The following KLHL18 variants were observed in gnomAD, a reference collection of about 807,000 sequenced individuals.
KLHL18 encodes kelch-like protein 18.
KLHL18 carries 38 observed loss-of-function variants against 58.5 expected under a neutral mutation model. The ratio of observed to expected loss-of-function variants is 0.65; its 90% CI spans 0.50 to 0.85. The LOEUF is 0.85. Among genes scored for constraint, KLHL18 ranks in the 40% least tolerant of loss-of-function variants. The pLI is 0.00. For synonymous variants in KLHL18, 303 were observed against 301.9 expected, an observed-to-expected ratio of 1.00 and a Z score of -0.04; for missense variants, 624 against 778.4, an observed-to-expected ratio of 0.80 and a Z score of 2.36.
chr3:47,285,831 T>C (rs867728214), intron 1 of KLHL18, among the ~76,000 whole-genome samples: 2 of 152,138 alleles, frequency 1.3e-5, no homozygotes, highest in African/African-American at 4.8e-5. Context: ...TGGATTGCAT[T>C]GAACTCAGGA....
At chr3:47,283,943 T>G (rs1331693990) in intron 1 of KLHL18, among the ~76,000 whole-genome samples, 1 of 152,158 alleles carries the variant, frequency 6.6e-6, no homozygotes, top group Non-Finnish European at 1.5e-5. Flanking sequence ...TGATCCCTGT[T>G]TAAAAAACAA....
intron 1 of KLHL18, among the ~76,000 whole-genome samples, chr3:47,315,981 A>G (rs1703412846): frequency 6.6e-6 from 1 of 152,194 alleles, no homozygotes; most frequent in Admixed American, 6.5e-5. Context: ...GGGTTGAAGA[A>G]GTTTCCTCAC....
At chr3:47,328,582 G>GT (rs1370459171) in intron 3 of KLHL18, among the ~76,000 whole-genome samples, 1 of 152,086 alleles carries the variant, frequency 6.6e-6, no homozygotes, top group Non-Finnish European at 1.5e-5. Context: ...CCTGATGAGT[G>GT]TAAGTCTGCC....
intron 1 of KLHL18, among the ~76,000 whole-genome samples, chr3:47,318,164 GCCCAAAATTTAGTGA>G (rs1183860998): frequency 6.6e-6 from 1 of 152,106 alleles, no homozygotes; most frequent in Non-Finnish European, 1.5e-5. Flanking sequence ...CCTGCGTCCG[GCCCAAAATTTAGTGA>G]CTTAAAACAA....
Position 47,336,726 on chromosome 3 carries a change from A to G in KLHL18, c.1090A>G (p.Thr364Ala), listed in dbSNP as rs776231957. ...CTACAACCCGGAGACAGACACATGG[A>G]CCAGAGTGGGGAGCATGAATAGCAA... Reference protein sequence around the residue: ...EAYNPETDTWTRVGSMNSKRS... With the variant: ...EAYNPETDTWARVGSMNSKRS... Residue 364 changes from threonine (T) to alanine (A), a missense_variant, in exon 7 of 10, where the codon ACC becomes GCC. Coordinates refer to ENST00000232766, the MANE Select transcript of KLHL18 (RefSeq NM_025010.5). 6.2e-7 allele frequency: 1 copy of G among 1,614,182 alleles called. No homozygotes were observed. Among genetic ancestry groups the G allele is most frequent in the South Asian group, 1.1e-5 (1 of 91,084 alleles).
chr3:47,333,564 A>G (rs1178751839), intron 5 of KLHL18, among the ~76,000 whole-genome samples: 1 of 152,232 alleles, frequency 6.6e-6, no homozygotes, highest in African/African-American at 2.4e-5. Context: ...CTGCTGAGTT[A>G]TCTGAGGATT....
intron 7 of KLHL18, among the ~76,000 whole-genome samples, chr3:47,339,466 T>G (rs1486198600): frequency 6.9e-6 from 1 of 144,612 alleles, no homozygotes; most frequent in Non-Finnish European, 1.5e-5. Context: ...CACTCCAGCC[T>G]GATGATAGAG....
Position 47,334,571 on chromosome 3 carries a change from TCTC to T in KLHL18, c.762-107_762-105del, listed in dbSNP as rs1703940931. The T allele has an allele frequency of 3.1e-6, 4 of 1,271,384 alleles. No homozygotes were observed. In the East Asian group the frequency reaches 7.0e-5, roughly 22 times the overall value. 78.8% of individuals were successfully genotyped at this position (1,271,384 alleles called of 1,614,324 possible). A position where few individuals can be genotyped will look rare whatever the true frequency, so the allele number is the denominator to read the frequency against. ...TTGAGACCAGACCTTCCAGAAGGCT[TCTC>T]CTCCCAGGTTTCCCCTGCAGTTGGC... On this transcript the variant is annotated intron_variant, in intron 5 of 9. Transcript: ENST00000232766. The surrounding 1 kb of genome is among the most constrained non-coding windows in gnomAD (Gnocchi z 4.7).
intron 3 of KLHL18, among the ~76,000 whole-genome samples, chr3:47,328,894 G>A (rs1703785985): frequency 6.6e-6 from 1 of 152,014 alleles, no homozygotes; most frequent in African/African-American, 2.4e-5. Context: ...ATTTTGGGAG[G>A]CCGAGGCAGG....
rs374972341 is a variant in KLHL18, at chr3:47,334,795, G to A, written c.874G>A (p.Ala292Thr). ...CCTSIAGLIY[A>T]VGGLNSAGDS... ...CACATCCATCGCTGGACTTATCTAC[G>A]CTGTAGGGGGCCTCAACTCAGCAGG... is the stretch of plus-strand genomic sequence containing the variant. Residue 292 changes from alanine (A) to threonine (T), a missense_variant, in exon 6 of 10, where the codon GCT (alanine) becomes ACT (threonine). Physicochemically the swap from Ala to Thr is moderately conservative, Grantham distance 58. Transcript: ENST00000232766. The surrounding 1 kb of genome is among the most constrained non-coding windows in gnomAD (Gnocchi z 4.7). 3.9e-4 allele frequency: 634 copies of A among 1,613,796 alleles called. No homozygotes were observed. Among genetic ancestry groups the A allele is most frequent in the Admixed American group, 6.0e-4 (36 of 59,942 alleles).
intron 1 of KLHL18, among the ~76,000 whole-genome samples, chr3:47,306,639 C>T (rs1208704398): frequency 2.0e-5 from 3 of 152,136 alleles, no homozygotes; most frequent in Non-Finnish European, 4.4e-5. Flanking sequence ...AGGTATATAG[C>T]TAGGAGTTAA....
chr3:47,304,555 T>C (rs1020975933), intron 1 of KLHL18, among the ~76,000 whole-genome samples: 3 of 152,222 alleles, frequency 2.0e-5, no homozygotes, highest in Admixed American at 6.5e-5. Flanking sequence ...TTTTTAGTGA[T>C]TGTAAATGTA....
chr3:47,286,697 A>G (rs750545581), intron 1 of KLHL18, among the ~76,000 whole-genome samples: 2 of 152,206 alleles, frequency 1.3e-5, no homozygotes, highest in Non-Finnish European at 2.9e-5. Context: ...CCATGGTTGT[A>G]GGGTGATGGA....
At chr3:47,319,928 G>T in intron 2 of KLHL18, 145 bp downstream of exon 2, 1 of 879,228 alleles carries the variant, frequency 1.1e-6, no homozygotes, top group Non-Finnish European at 1.7e-6. Flanking sequence ...AAGCAGATTA[G>T]AACCTGGGCC....
At chr3:47,310,251 A>G (rs2107611168) in intron 1 of KLHL18, among the ~76,000 whole-genome samples, 1 of 152,330 alleles carries the variant, frequency 6.6e-6, no homozygotes, top group Non-Finnish European at 1.5e-5. Context: ...TGTCTGAGGT[A>G]GCAGAGCTGG....
At chr3:47,325,986 C>T (rs926911856) in intron 3 of KLHL18, among the ~76,000 whole-genome samples, 8 of 151,786 alleles carry the variant, frequency 5.3e-5, no homozygotes, top group Non-Finnish European at 8.8e-5. Context: ...CTTGCTCTGT[C>T]GCCCAGGCAG....
chr3:47,345,222 T>TC lies in KLHL18; in HGVS notation c.*1283dup, dbSNP rs1179131551. 1 of 152,546 alleles carries TC rather than the reference T, an allele frequency of 6.6e-6. No homozygotes were observed. The highest frequency in any genetic ancestry group is 2.4e-5 in the African/African-American group (1 of 41,426). 9.4% of individuals were successfully genotyped at this position (152,546 alleles called of 1,614,324 possible). ...GCACCTCTAGAACCTAACCAGGGCTTCCTTCTACCAGCTGTGGGCGGGCTT... is the reference window on the plus strand; with the variant it reads ...GCACCTCTAGAACCTAACCAGGGCTTCCCTTCTACCAGCTGTGGGCGGGCTT... On this transcript the variant is annotated 3_prime_UTR_variant, in exon 10 of 10. Transcript: ENST00000232766.
intron 7 of KLHL18, chr3:47,336,977 A>G (rs295452): frequency 0.44 from 239,197 of 549,770 alleles, 53,499 homozygotes; most frequent in African/African-American, 0.58. Context: ...GAGACCAGGC[A>G]TGGACATGTG....
chr3:47,328,211 C>CT (rs11349887), intron 3 of KLHL18, among the ~76,000 whole-genome samples: 168 of 141,526 alleles, frequency 1.2e-3, no homozygotes, highest in East Asian at 1.7e-3. Flanking sequence ...CCAAAAAACA[C>CT]TTTTTTTTTT....
Sources: gnomAD v4.1 joint callset for allele counts (sites outside exome capture counted in the v4.1 genomes callset) on GRCh38, gnomAD v4.1.1 for gene constraint, Gnocchi (gnomAD v3.1) non-coding constraint, MANE v1.5 for transcripts, NCBI Gene and HGNC (gene_info 2026-07-23, HGNC 2026-07-21) for gene names.